Variants in GPR55 observed in about 807,000 individuals in gnomAD.
The protein encoded by GPR55 is G-protein coupled receptor 55.
A neutral mutation model predicts 7.9 loss-of-function variants in GPR55; 6 were observed. The observed-to-expected ratio is 0.76, with a 90% CI of 0.41 to 1.49. GPR55 has a LOEUF of 1.49. GPR55 is among the 40% of genes most tolerant of loss of function. GPR55 has a pLI of 0.01. For synonymous variants in GPR55, 183 were observed against 166.8 expected, an observed-to-expected ratio of 1.10 and a Z score of -0.75; for missense variants, 376 against 406.0, an observed-to-expected ratio of 0.93 and a Z score of 0.63.
Position 230,907,475 on chromosome 2 carries a change from C to T in GPR55, c.*2528G>A, listed in dbSNP as rs922721199. 6.6e-6 allele frequency: 1 copy of T among 152,252 alleles called. No individual in the cohort carries two copies. The highest frequency in any genetic ancestry group is 1.5e-5 in the Non-Finnish European group (1 of 68,064). The allele number at this position is 152,252 out of a possible 1,614,324, so 9.4% of individuals were successfully genotyped here. A position where few individuals can be genotyped will look rare whatever the true frequency, so the allele number is the denominator to read the frequency against. ...ATGTGGGTCCAAACTCTCGGCCCTC[C>T]TGCCGAGCAGCCGTAGTGGCCTGCA... is the stretch of plus-strand genomic sequence containing the variant. On this transcript the variant is annotated 3_prime_UTR_variant, in exon 2 of 2. Coordinates refer to ENST00000650999, the MANE Select transcript of GPR55 (RefSeq NM_005683.4).
intron 1 of GPR55, among the ~76,000 whole-genome samples, chr2:230,915,075 G>A (rs182417710): frequency 2.0e-4 from 31 of 152,350 alleles, no homozygotes; most frequent in Non-Finnish European, 2.2e-4. Context: ...CCCCACATCC[G>A]CAGAAATCGC....
chr2:230,918,009 T>C (rs1161987971), intron 1 of GPR55, among the ~76,000 whole-genome samples: 1 of 152,166 alleles, frequency 6.6e-6, no homozygotes, highest in Non-Finnish European at 1.5e-5. Context: ...TTTAATTTTC[T>C]TTAAGGACAT....
At chr2:230,914,634 C>T (rs962201552) in intron 1 of GPR55, among the ~76,000 whole-genome samples, 1 of 146,294 alleles carries the variant, frequency 6.8e-6, no homozygotes, top group Non-Finnish European at 1.5e-5. Context: ...TAATAAAAAC[C>T]AGTCTACTTG....
upstream of GPR55, among the ~76,000 whole-genome samples, chr2:230,926,477 G>A (rs1016137726): frequency 1.5e-4 from 23 of 152,122 alleles, no homozygotes; most frequent in African/African-American, 2.4e-4. Context: ...AGCCAGGCCC[G>A]CACCCTGGGT....
upstream of GPR55, chr2:230,928,708 G>A (rs3111778): frequency 6.6e-6 from 1 of 151,798 alleles, no homozygotes; most frequent in Non-Finnish European, 1.5e-5. Context: ...AAAAAAGGAG[G>A]AACATTGATA....
chr2:230,927,148 A>G (rs1286191170), upstream of GPR55, among the ~76,000 whole-genome samples: 1 of 152,124 alleles, frequency 6.6e-6, no homozygotes, highest in Non-Finnish European at 1.5e-5. Flanking sequence ...TCCAGCTCTC[A>G]CCTACCCCCC....
intron 1 of GPR55, among the ~76,000 whole-genome samples, chr2:230,921,832 T>C (rs991793494): frequency 6.6e-6 from 1 of 152,156 alleles, no homozygotes; most frequent in African/African-American, 2.4e-5. Flanking sequence ...AACCACAGCA[T>C]GGGAGAAGAT....
intron 1 of GPR55, among the ~76,000 whole-genome samples, chr2:230,912,230 C>T (rs1028523769): frequency 5.3e-5 from 8 of 152,130 alleles, no homozygotes; most frequent in African/African-American, 1.7e-4. Context: ...TTAACCACTT[C>T]GGCAGAAAGC....
At chr2:230,937,310 T>A (rs776516557) in intron 1 of GPR55, among the ~76,000 whole-genome samples, 1 of 151,532 alleles carries the variant, frequency 6.6e-6, no homozygotes, top group Non-Finnish European at 1.5e-5. Flanking sequence ...GAGGCTGAGA[T>A]GGAAGGATCA....
upstream of GPR55, among the ~76,000 whole-genome samples, chr2:230,926,891 C>G (rs1197754631): frequency 1.3e-5 from 2 of 151,876 alleles, no homozygotes; most frequent in African/African-American, 2.4e-5. Flanking sequence ...CAAGGTTTCA[C>G]CATGTTGGTC....
intron 1 of GPR55, among the ~76,000 whole-genome samples, chr2:230,920,395 A>ATGAAGTGAGAGAGAGATGTGGGAGTG (rs1690806157): frequency 6.6e-6 from 1 of 152,200 alleles, no homozygotes; most frequent in Non-Finnish European, 1.5e-5. Flanking sequence ...GGAACGAAGC[A>ATGAAGTGAGAGAGAGATGTGGGAGTG]TGAAGTGAGA....
chr2:230,910,675 C>T lies in GPR55; in HGVS notation c.288G>A (p.Leu96=), dbSNP rs540088850. Residue 96 remains leucine, a synonymous_variant, in exon 2 of 2, where the codon CTG becomes CTA. Coordinates refer to ENST00000650999, the MANE Select transcript of GPR55 (RefSeq NM_005683.4). This position sits in a 1 kb window ranked among gnomAD's most constrained non-coding sequence, Gnocchi z 5.4. ...TGCTGACGAAGTAAAGGCACTCCACCAGGGTGCACAGGGACGGGAAGGGGG... is the reference window on the plus strand; with the variant it reads ...TGCTGACGAAGTAAAGGCACTCCACTAGGGTGCACAGGGACGGGAAGGGGG... The part of the protein sequence containing the change: ...VQSPFPSLCT[L]VECLYFVSMY... The T allele has an allele frequency of 1.4e-5, 23 of 1,612,814 alleles. No homozygotes were observed. Among genetic ancestry groups the T allele is most frequent in the Admixed American group, 8.3e-5 (5 of 60,024 alleles).
chr2:230,930,628 T>G (rs1270658991), intron 1 of GPR55, among the ~76,000 whole-genome samples: 1 of 152,046 alleles, frequency 6.6e-6, no homozygotes, highest in African/African-American at 2.4e-5. Context: ...TTTTTGTACT[T>G]TTGGTACAAA....
At chr2:230,954,998 A>G (rs939625152) in intron 1 of GPR55, among the ~76,000 whole-genome samples, 1 of 152,258 alleles carries the variant, frequency 6.6e-6, no homozygotes, top group African/African-American at 2.4e-5. Context: ...GCAAGTGAAA[A>G]GAAACTAACA....
At chr2:230,945,310 G>A (rs1050651413) in intron 1 of GPR55, among the ~76,000 whole-genome samples, 6 of 152,180 alleles carry the variant, frequency 3.9e-5, no homozygotes, top group Admixed American at 6.5e-5. Context: ...CTGCATGGAG[G>A]CCTTTCCAAG....
rs1339813092 is a variant in GPR55, at chr2:230,907,920, G to A, written c.*2083C>T. On this transcript the variant is annotated 3_prime_UTR_variant, in exon 2 of 2. Coordinates refer to ENST00000650999, the MANE Select transcript of GPR55 (RefSeq NM_005683.4). The stretch of plus-strand genomic sequence containing the variant: ...GGGCATCACTCAACTCCACCAGGCA[G>A]GCTCCCAACTCCTCGTGCAGAGAAA... 1 of 152,208 alleles carries A rather than the reference G, an allele frequency of 6.6e-6. No individual in the cohort carries two copies. The highest frequency in any genetic ancestry group is 1.5e-5 in the Non-Finnish European group (1 of 68,048). 9.4% of individuals were successfully genotyped at this position (152,208 alleles called of 1,614,324 possible).
At chr2:230,955,183 T>A (rs985867306) in intron 1 of GPR55, among the ~76,000 whole-genome samples, 1 of 152,260 alleles carries the variant, frequency 6.6e-6, no homozygotes, top group African/African-American at 2.4e-5. Context: ...AAGAAAAGAA[T>A]AATTCACAAT....
At chr2:230,938,764 G>A (rs1295301615) in intron 1 of GPR55, among the ~76,000 whole-genome samples, 4 of 152,220 alleles carry the variant, frequency 2.6e-5, no homozygotes, top group Non-Finnish European at 4.4e-5. Flanking sequence ...TGTGGGCTCC[G>A]TGGCATCTCG....
intron 1 of GPR55, among the ~76,000 whole-genome samples, chr2:230,931,747 T>C (rs1691042270): frequency 6.6e-6 from 1 of 151,992 alleles, no homozygotes; most frequent in Admixed American, 6.6e-5. Context: ...CCCATCCCCA[T>C]GAGAGCATGC....
Sources: gnomAD v4.1 joint callset for allele counts (sites outside exome capture counted in the v4.1 genomes callset) on GRCh38, gnomAD v4.1.1 for gene constraint, Gnocchi (gnomAD v3.1) non-coding constraint, MANE v1.5 for transcripts, NCBI Gene and HGNC (gene_info 2026-07-23, HGNC 2026-07-21) for gene names.